Variants in CCSER2 observed in about 807,000 individuals in gnomAD.
The protein encoded by CCSER2 is coiled-coil serine rich protein 2, also known as serine-rich coiled-coil domain-containing protein 2.
CCSER2 carries 46 observed loss-of-function variants against 92.3 expected under a neutral mutation model. The observed-to-expected ratio is 0.50, with a 90% CI of 0.39 to 0.64. The LOEUF (loss-of-function observed/expected upper bound fraction) is 0.64, where lower values mean the gene tolerates loss of function less well. Ranked by LOEUF, CCSER2 falls within the 30% of genes least tolerant of loss-of-function variation. CCSER2 has a pLI of 0.00. For synonymous variants in CCSER2, 433 were observed against 431.4 expected, an observed-to-expected ratio of 1.00 and a Z score of -0.04; for missense variants, 1,244 against 1,238.9, an observed-to-expected ratio of 1.00 and a Z score of -0.06.
intron 1 of CCSER2, among the ~76,000 whole-genome samples, chr10:84,332,361 ATT>A (rs1360958525): frequency 4.6e-5 from 5 of 109,274 alleles, no homozygotes; most frequent in East Asian, 5.4e-4. Context: ...TTTCTGATCT[ATT>A]TTTTCTTATT....
chr10:84,368,246 T>A (rs1845884862), intron 1 of CCSER2, among the ~76,000 whole-genome samples: 1 of 152,336 alleles, frequency 6.6e-6, no homozygotes, highest in Non-Finnish European at 1.5e-5. Flanking sequence ...TTCTCACTAC[T>A]GCTTCCAGGC....
At chr10:84,365,768 A>G (rs1845746383) in intron 1 of CCSER2, among the ~76,000 whole-genome samples, 1 of 152,232 alleles carries the variant, frequency 6.6e-6, no homozygotes, top group African/African-American at 2.4e-5. Flanking sequence ...AGGAAAGAAT[A>G]TAATTTTCTT....
intron 1 of CCSER2, among the ~76,000 whole-genome samples, chr10:84,355,085 C>G (rs981957640): frequency 1.3e-5 from 2 of 151,962 alleles, no homozygotes; most frequent in African/African-American, 4.8e-5. Flanking sequence ...TGTAACTAAC[C>G]TCTTAACCCA....
At chr10:84,497,293 C>T (rs531587656) in intron 9 of CCSER2, among the ~76,000 whole-genome samples, 7 of 152,306 alleles carry the variant, frequency 4.6e-5, no homozygotes, top group East Asian at 1.9e-4. Context: ...AAGTGGAAGA[C>T]GCATTGTAGG....
intron 3 of CCSER2, among the ~76,000 whole-genome samples, chr10:84,402,186 A>G (rs1368155287): frequency 1.3e-5 from 2 of 152,154 alleles, no homozygotes; most frequent in East Asian, 1.9e-4. Context: ...AGCCATGTCC[A>G]CAATCTGACC....
intron 3 of CCSER2, among the ~76,000 whole-genome samples, chr10:84,402,488 GCT>G (rs1842170334): frequency 6.6e-6 from 1 of 152,096 alleles, no homozygotes; most frequent in Non-Finnish European, 1.5e-5. Context: ...TGCCAAATGG[GCT>G]TATCCTAGGA....
intron 6 of CCSER2, among the ~76,000 whole-genome samples, chr10:84,457,292 A>ATAATATG (rs1564684794): frequency 0.024 from 1,797 of 75,124 alleles, 44 homozygotes; most frequent in Non-Finnish European, 0.027. Context: ...TATATTATAT[A>ATAATATG]TTATATATAA....
chr10:84,371,378 G>A lies in CCSER2; in HGVS notation c.326G>A (p.Gly109Glu). 8.7e-6 allele frequency: 14 copies of A among 1,613,340 alleles called. No homozygotes were observed. Among genetic ancestry groups the A allele is most frequent in the Admixed American group, 1.7e-5 (1 of 59,862 alleles). ...ACTCAAGGAATGTTTGATAAAAATG[G>A]GATAAAGGGAGGTTTGAAAAGTGTT... ...VPTQGMFDKN[G>E]IKGGLKSVSL... Residue 109 changes from glycine (G) to glutamate (E), a missense_variant, in exon 2 of 10, where the codon GGG (glycine) becomes GAG (glutamate). Gly to Glu is a moderately conservative substitution (Grantham distance 98). Coordinates refer to ENST00000372088, the MANE Select transcript of CCSER2 (RefSeq NM_001284240.2).
At chr10:84,501,852 T>TACTC (rs1848766600) in intron 9 of CCSER2, among the ~76,000 whole-genome samples, 1 of 112,914 alleles carries the variant, frequency 8.9e-6, no homozygotes, top group Non-Finnish European at 1.9e-5. Flanking sequence ...TATATATATA[T>TACTC]ATATATACTC....
At chr10:84,492,563 G>A (rs1016776323) in intron 9 of CCSER2, among the ~76,000 whole-genome samples, 4 of 152,164 alleles carry the variant, frequency 2.6e-5, no homozygotes, top group African/African-American at 9.6e-5. Flanking sequence ...AGGGGAAAAA[G>A]CATTCAGTCT....
chr10:84,426,404 G>A (rs1243869499), intron 5 of CCSER2, among the ~76,000 whole-genome samples: 1 of 152,130 alleles, frequency 6.6e-6, no homozygotes, highest in Non-Finnish European at 1.5e-5. Flanking sequence ...TTGTAATGAG[G>A]CTCCGTAGTC....
At chr10:84,362,643 A>C (rs1290636673) in intron 1 of CCSER2, among the ~76,000 whole-genome samples, 1 of 152,148 alleles carries the variant, frequency 6.6e-6, no homozygotes, top group Non-Finnish European at 1.5e-5. Context: ...CATTTATGTG[A>C]GTGAAAATGA....
chr10:84,421,221 C>G (rs1345161747), intron 4 of CCSER2, among the ~76,000 whole-genome samples: 1 of 152,130 alleles, frequency 6.6e-6, no homozygotes, highest in African/African-American at 2.4e-5. Flanking sequence ...GAATGTTGGT[C>G]AAATGTTTTC....
intron 9 of CCSER2, among the ~76,000 whole-genome samples, chr10:84,492,717 A>C (rs185143560): frequency 6.6e-4 from 101 of 152,336 alleles, no homozygotes; most frequent in South Asian, 1.0e-3. Flanking sequence ...GGTAATTGCT[A>C]TGAACCTATG....
chr10:84,422,924 G>A (rs1300932430), intron 4 of CCSER2, among the ~76,000 whole-genome samples: 1 of 152,004 alleles, frequency 6.6e-6, no homozygotes, highest in Non-Finnish European at 1.5e-5. Context: ...GCGTGGTGAT[G>A]TGTGCATGTA....
At chr10:84,490,459 A>G (rs1462271757) in intron 9 of CCSER2, among the ~76,000 whole-genome samples, 1 of 151,986 alleles carries the variant, frequency 6.6e-6, no homozygotes, top group African/African-American at 2.4e-5. Context: ...TTTTTTCTCT[A>G]AATTTCTGTT....
chr10:84,513,512 A>G lies in CCSER2; in HGVS notation c.2389A>G (p.Ile797Val), dbSNP rs1449097829. ...RPTDHTQGKL[I>V]KPQRIEARSE... ...CACAGATCACACCCAGGGAAAACTA[A>G]TAAAGCCACAACGTATCGAGGCCCG... Residue 797 changes from isoleucine (I) to valine (V), a missense_variant, in exon 10 of 10, where the codon ATA becomes GTA. Ile to Val is a conservative substitution (Grantham distance 29). Coordinates refer to ENST00000372088, the MANE Select transcript of CCSER2 (RefSeq NM_001284240.2). 2.5e-6 allele frequency: 4 copies of G among 1,614,036 alleles called. No homozygotes were observed. The highest frequency in any genetic ancestry group is 2.7e-5 in the African/African-American group (2 of 74,932).
chr10:84,430,396 T>C lies in CCSER2; in HGVS notation c.1868+4503T>C, dbSNP rs529392961. Among the ~76,000 whole-genome samples the C allele has an allele frequency of 5.3e-5, 8 of 152,332 alleles. No individual in the cohort carries two copies. The South Asian group carries it at 1.7e-3, about 32-fold the overall frequency. ...TTTCTTTCCTCAGGTTTTCCTTTTA[T>C]GATTTTTGGTCAGCTTCTTGTTTGT... On this transcript the variant is annotated intron_variant, in intron 5 of 9. Coordinates refer to ENST00000372088, the MANE Select transcript of CCSER2 (RefSeq NM_001284240.2).
intron 9 of CCSER2, among the ~76,000 whole-genome samples, chr10:84,493,937 C>T (rs1848306179): frequency 6.6e-6 from 1 of 152,150 alleles, no homozygotes; most frequent in Non-Finnish European, 1.5e-5. Flanking sequence ...GAGACAGTGA[C>T]AGATTATCTG....
Sources: allele counts gnomAD v4.1 joint callset (sites outside exome capture counted in the v4.1 genomes callset), GRCh38; gene constraint gnomAD v4.1.1; transcripts MANE v1.5; gene names NCBI Gene and HGNC (gene_info 2026-07-23, HGNC 2026-07-21).